Variants in TAS2R1 observed in about 807,000 individuals in gnomAD.
The protein encoded by TAS2R1 is taste 2 receptor member 1, also known as taste receptor type 2 member 1.
For missense variants in TAS2R1, 370 were observed against 353.4 expected (o/e 1.05, Z -0.38); for synonymous variants, 141 against 134.2 (o/e 1.05, Z -0.35).
the TAS2R1 span, among the ~76,000 whole-genome samples, chr5:9,838,106 A>G: frequency 3.3e-4 from 50 of 152,198 alleles, no homozygotes; most frequent in African/African-American, 1.1e-3. Flanking sequence ...GAGTCTCCAA[A>G]CCAGGATGAT....
At chr5:9,871,505 G>A in the TAS2R1 span, among the ~76,000 whole-genome samples, 58 of 152,268 alleles carry the variant, frequency 3.8e-4, 1 homozygote, top group South Asian at 3.9e-3. Context: ...GGACACAGAC[G>A]TAAAGCCCTC....
Position 9,629,773 on chromosome 5 carries a change from A to C in TAS2R1, c.260T>G (p.Phe87Cys). The C allele has an allele frequency of 6.2e-7, 1 of 1,613,872 alleles. No individual in the cohort carries two copies. ...AAGCCAAAGTTCCAATTCATTTATA[A>C]ATAAGAGAATTGCACAATTCGCAGA... is the stretch of plus-strand genomic sequence containing the variant. ...MCSANCAILL[F>C]INELELWLAT... The change falls in exon 1 of 1, where the codon TTT (phenylalanine) becomes TGT (cysteine). Residue 87 changes from phenylalanine (F) to cysteine (C), a missense_variant. Coordinates refer to ENST00000382492, the MANE Select transcript of TAS2R1 (RefSeq NM_019599.3).
At chr5:9,874,658 A>G in the TAS2R1 span, among the ~76,000 whole-genome samples, 1 of 152,276 alleles carries the variant, frequency 6.6e-6, no homozygotes, top group East Asian at 1.9e-4. Context: ...GACTCATGTT[A>G]GGTGTGAATC....
At chr5:9,871,862 A>G in the TAS2R1 span, among the ~76,000 whole-genome samples, 1 of 152,194 alleles carries the variant, frequency 6.6e-6, no homozygotes. Flanking sequence ...TGGACAATTC[A>G]ACCCAAGTGT....
chr5:9,815,024 G>A, the TAS2R1 span, among the ~76,000 whole-genome samples: 3 of 152,202 alleles, frequency 2.0e-5, no homozygotes, highest in Non-Finnish European at 4.4e-5. Context: ...AGGCAGAATG[G>A]TGAACACATG....
chr5:9,716,019 G>A (rs1352191474), upstream of TAS2R1, among the ~76,000 whole-genome samples: 2 of 152,216 alleles, frequency 1.3e-5, no homozygotes, highest in African/African-American at 2.4e-5. Context: ...TTACCAAGGC[G>A]TGGAAGGTGG....
chr5:9,869,083 C>T, the TAS2R1 span, among the ~76,000 whole-genome samples: 2 of 152,078 alleles, frequency 1.3e-5, no homozygotes, highest in Non-Finnish European at 2.9e-5. Context: ...TCCAAACTTT[C>T]CCACATTTTC....
At chr5:9,844,963 C>T in the TAS2R1 span, among the ~76,000 whole-genome samples, 1 of 152,116 alleles carries the variant, frequency 6.6e-6, no homozygotes, top group Admixed American at 6.5e-5. Flanking sequence ...CCTTATTGGA[C>T]ATAAAAGGCC....
chr5:9,696,062 G>A (rs2126521506), intron 1 of TAS2R1, among the ~76,000 whole-genome samples: 1 of 152,192 alleles, frequency 6.6e-6, no homozygotes, highest in South Asian at 2.1e-4. Flanking sequence ...GAAAGTTTCA[G>A]ATTGTATAAC....
the TAS2R1 span, among the ~76,000 whole-genome samples, chr5:9,774,848 C>T: frequency 6.6e-6 from 1 of 152,242 alleles, no homozygotes; most frequent in Non-Finnish European, 1.5e-5. Context: ...CCTCTGTGGC[C>T]ACCACCAGTG....
the TAS2R1 span, among the ~76,000 whole-genome samples, chr5:9,815,756 A>G: frequency 1.3e-5 from 2 of 152,180 alleles, no homozygotes; most frequent in Admixed American, 1.3e-4. Flanking sequence ...TCCCATAGTA[A>G]ATGCCACAAA....
At chr5:9,903,130 G>C in the TAS2R1 span, among the ~76,000 whole-genome samples, 2 of 151,906 alleles carry the variant, frequency 1.3e-5, no homozygotes, top group Non-Finnish European at 2.9e-5. Context: ...ATGTACAGTT[G>C]AGTTACTATT....
chr5:9,689,757 ATATAT>A (rs936028500), intron 1 of TAS2R1, among the ~76,000 whole-genome samples: 8 of 152,280 alleles, frequency 5.3e-5, no homozygotes, highest in South Asian at 2.1e-4. Flanking sequence ...TCTAGCTGTT[ATATAT>A]TATAATTTAT....
chr5:9,776,319 A>G, the TAS2R1 span, among the ~76,000 whole-genome samples: 1 of 152,154 alleles, frequency 6.6e-6, no homozygotes, highest in Non-Finnish European at 1.5e-5. Context: ...CTGCCAGGTA[A>G]TAGGGGAGGG....
chr5:9,849,062 G>A, the TAS2R1 span, among the ~76,000 whole-genome samples: 3 of 152,244 alleles, frequency 2.0e-5, no homozygotes, highest in Non-Finnish European at 4.4e-5. Context: ...GGAGCTGGGA[G>A]GAACCCTGAG....
chr5:9,803,339 A>G, the TAS2R1 span, among the ~76,000 whole-genome samples: 1 of 152,218 alleles, frequency 6.6e-6, no homozygotes, highest in Admixed American at 6.5e-5. Context: ...AATGAGGAAA[A>G]CTTTCCTGGC....
the TAS2R1 span, among the ~76,000 whole-genome samples, chr5:9,775,773 T>G: frequency 6.6e-6 from 1 of 152,204 alleles, no homozygotes; most frequent in Non-Finnish European, 1.5e-5. Context: ...AGGACTCTGT[T>G]GGGTGCCCCA....
chr5:9,735,014 C>T, the TAS2R1 span, among the ~76,000 whole-genome samples: 1 of 151,182 alleles, frequency 6.6e-6, no homozygotes, highest in Admixed American at 6.6e-5. Flanking sequence ...GGAAGCATTG[C>T]TAGGGAGGCC....
At chr5:9,675,559 G>A (rs553691242) in intron 1 of TAS2R1, among the ~76,000 whole-genome samples, 1 of 151,768 alleles carries the variant, frequency 6.6e-6, no homozygotes, top group South Asian at 2.1e-4. Flanking sequence ...TGGGACCACA[G>A]GTGTGCACCA....
Sources: allele counts gnomAD v4.1 joint callset (sites outside exome capture counted in the v4.1 genomes callset), GRCh38; gene constraint gnomAD v4.1.1; transcripts MANE v1.5; gene names NCBI Gene and HGNC (gene_info 2026-07-23, HGNC 2026-07-21).